The following IFI27L1 variants were observed in gnomAD, a reference collection of about 807,000 sequenced individuals.
IFI27L1 encodes the protein interferon alpha inducible protein 27 like 1, also known as interferon alpha-inducible protein 27-like protein 1.
In IFI27L1, 3 loss-of-function variants were observed where a neutral mutation model predicts 9.2. The observed-to-expected ratio is 0.32, with a 90% confidence interval of 0.15 to 0.84. The LOEUF is 0.84. Among genes scored for constraint, IFI27L1 ranks in the 40% least tolerant of loss-of-function variants. The pLI is 0.56. For synonymous variants in IFI27L1, 53 were observed against 50.0 expected, an observed-to-expected ratio of 1.06 and a Z score of -0.26; for missense variants, 133 against 134.2, an observed-to-expected ratio of 0.99 and a Z score of 0.05.
intron 2 of IFI27L1, chr14:94,097,383 A>G: frequency 1.8e-6 from 1 of 564,318 alleles, no homozygotes; most frequent in Non-Finnish European, 3.1e-6. Context: ...TCTTTGTAAT[A>G]GCTCTTTTCA....
rs552316332 is a variant in IFI27L1 at position 94,099,585 on chromosome 14, C to T, written c.29-1154C>T. ...CCTCCCTGAGAGGCTTCAGAGAGAG[C>T]GTGGCCTTGCTGACTCCTGGATTGT... On this transcript the variant is annotated intron_variant, in intron 2 of 4. Coordinates refer to ENST00000555523, the MANE Select transcript of IFI27L1 (RefSeq NM_206949.3). 4.6e-5 allele frequency among the ~76,000 whole-genome samples: 7 copies of T among 152,210 alleles called. No homozygotes were observed. The South Asian group carries it at 1.0e-3, about 23-fold the overall frequency.
chr14:94,101,424 C>T (rs1886892222), intron 3 of IFI27L1: 2 of 264,592 alleles, frequency 7.6e-6, no homozygotes, highest in African/African-American at 4.4e-5. Flanking sequence ...TCCATCCCCT[C>T]ACCTCTCCAG....
chr14:94,087,282 G>A (rs570571069), intron 1 of IFI27L1, among the ~76,000 whole-genome samples: 13 of 152,324 alleles, frequency 8.5e-5, no homozygotes, highest in African/African-American at 2.9e-4. Context: ...TTTGTGTAAG[G>A]TTGTGATGGC....
intron 1 of IFI27L1, among the ~76,000 whole-genome samples, chr14:94,088,461 C>T (rs1886356151): frequency 1.3e-5 from 2 of 151,136 alleles, no homozygotes; most frequent in African/African-American, 4.9e-5. Flanking sequence ...ATTCCTGGAA[C>T]ATCAGCTTAG....
intron 1 of IFI27L1, 64 bp from the exon 2 acceptor site, chr14:94,096,823 A>T: frequency 1.2e-6 from 1 of 833,576 alleles, no homozygotes; most frequent in Non-Finnish European, 2.0e-6. Context: ...AGGGATGCAG[A>T]GTTCTTTATT....
chr14:94,093,208 C>G (rs1886544304), intron 1 of IFI27L1, among the ~76,000 whole-genome samples: 2 of 147,376 alleles, frequency 1.4e-5, no homozygotes, highest in African/African-American at 5.1e-5. Context: ...GCTCTGTCAC[C>G]CAGGCTGGAG....
intron 1 of IFI27L1, among the ~76,000 whole-genome samples, chr14:94,092,203 G>A (rs1039749284): frequency 1.3e-5 from 2 of 151,380 alleles, no homozygotes; most frequent in African/African-American, 2.4e-5. Context: ...GTGTACTATT[G>A]ATATCAAATT....
intron 1 of IFI27L1, among the ~76,000 whole-genome samples, chr14:94,092,951 C>T (rs1030689662): frequency 6.6e-6 from 1 of 152,290 alleles, no homozygotes; most frequent in Non-Finnish European, 1.5e-5. Context: ...CCTGCCCCTG[C>T]CTCCCAAGTA....
chr14:94,101,432 C>T, intron 3 of IFI27L1: 1 of 270,730 alleles, frequency 3.7e-6, no homozygotes, highest in Non-Finnish European at 7.0e-6. Flanking sequence ...CTCACCTCTC[C>T]AGAAAAGCAG....
rs140310956 is a variant in IFI27L1, at chr14:94,098,065, G to A, written c.28+1100G>A. Among the ~76,000 whole-genome samples, 412 of 152,288 alleles carry A rather than the reference G, an allele frequency of 2.7e-3. 2 individuals carry two copies. Among genetic ancestry groups the A allele is most frequent in the African/African-American group, 9.4e-3 (392 of 41,532 alleles). ...GAGAGGGGCTGAATGAGACTGAGAA[G>A]GAGAGGCTAGTATGGCAGGGGGAAA... On this transcript the variant is annotated intron_variant, in intron 2 of 4. Coordinates refer to ENST00000555523, the MANE Select transcript of IFI27L1 (RefSeq NM_206949.3).
chr14:94,101,607 C>T (rs889351450), intron 3 of IFI27L1, among the ~76,000 whole-genome samples: 5 of 152,220 alleles, frequency 3.3e-5, no homozygotes, highest in African/African-American at 4.8e-5. Context: ...GTGAAACAGG[C>T]GTAAACAAGC....
chr14:94,099,740 C>T (rs1483198672), intron 2 of IFI27L1, among the ~76,000 whole-genome samples: 2 of 152,068 alleles, frequency 1.3e-5, no homozygotes, highest in Non-Finnish European at 2.9e-5. Flanking sequence ...TGAAGAACTC[C>T]CAAAGCTTGT....
intron 2 of IFI27L1, 163 bp from the exon 3 acceptor site, chr14:94,100,576 G>A: frequency 1.0e-6 from 1 of 985,442 alleles, no homozygotes; most frequent in Non-Finnish European, 1.2e-6. Context: ...AGAGCCCTGA[G>A]GATGGGGCCT....
chr14:94,096,861 GAATAAAGT>G lies in IFI27L1; in HGVS notation c.-51-25_-51-18del, dbSNP rs1886690078. ...TGCAGCTTTATTCAAACCAGATCCT[GAATAAAGT>G]CAAAACTCAACCAACAGGTGGAAGT... is the stretch of plus-strand genomic sequence containing the variant. On this transcript the variant is annotated intron_variant, in intron 1 of 4. Coordinates refer to ENST00000555523, the MANE Select transcript of IFI27L1 (RefSeq NM_206949.3). The G allele has an allele frequency of 7.3e-7, 1 of 1,374,006 alleles. No individual in the cohort carries two copies. Among genetic ancestry groups the G allele is most frequent in the Non-Finnish European group, 1.0e-6 (1 of 967,048 alleles). The allele number at this position is 1,374,006 out of a possible 1,614,324, so 85.1% of individuals were successfully genotyped here. A position where few individuals can be genotyped will look rare whatever the true frequency, so the allele number is the denominator to read the frequency against.
intron 1 of IFI27L1, among the ~76,000 whole-genome samples, chr14:94,089,656 C>G (rs551649974): frequency 5.1e-4 from 77 of 152,264 alleles, no homozygotes; most frequent in African/African-American, 1.9e-3. Context: ...GGGAATGCAG[C>G]CTAGTAGGTC....
At position 94,101,921 on chromosome 14, in the gene IFI27L1, G is replaced by A. The variant is rs1213542031; in HGVS notation, c.169G>A (p.Ala57Thr). 6.2e-7 allele frequency: 1 copy of A among 1,614,148 alleles called. No homozygotes were observed. The highest frequency in any genetic ancestry group is 2.2e-5 in the East Asian group (1 of 44,902). The change falls in exon 4 of 5, where the codon GCC becomes ACC. Residue 57 changes from alanine (A) to threonine (T), a missense_variant. Transcript: ENST00000555523. ...CAAGATGATGTCTACAGCAGCCATT[G>A]CCAACGGGGGCGGAGTTGCTGCTGG... Reference protein sequence around the residue: ...AAKMMSTAAIANGGGVAAGSL... With the variant: ...AAKMMSTAAITNGGGVAAGSL...
At chr14:94,082,140 CAGTT>C (rs1350076209) in intron 1 of IFI27L1, among the ~76,000 whole-genome samples, 1 of 152,154 alleles carries the variant, frequency 6.6e-6, no homozygotes, top group East Asian at 1.9e-4. Flanking sequence ...GAAAGCGAAA[CAGTT>C]TATTGCTGAT....
chr14:94,091,326 A>G (rs556478097), intron 1 of IFI27L1, among the ~76,000 whole-genome samples: 25 of 152,344 alleles, frequency 1.6e-4, no homozygotes, highest in African/African-American at 4.8e-4. Flanking sequence ...GCATACAACA[A>G]TTTTACATAA....
intron 2 of IFI27L1, 60 bp from the exon 3 acceptor site, chr14:94,100,679 C>T: frequency 6.2e-7 from 1 of 1,605,354 alleles, no homozygotes; most frequent in South Asian, 1.1e-5. Context: ...TCAGAGAGTA[C>T]CCACTCCCAT....
Sources: gnomAD v4.1 joint callset for allele counts (sites outside exome capture counted in the v4.1 genomes callset) on GRCh38, gnomAD v4.1.1 for gene constraint, MANE v1.5 for transcripts, NCBI Gene and HGNC (gene_info 2026-07-23, HGNC 2026-07-21) for gene names.